Variants in GRIK2 observed in about 807,000 individuals in gnomAD.
GRIK2 encodes glutamate ionotropic receptor kainate type subunit 2, also known as glutamate receptor ionotropic, kainate 2.
Under a neutral mutation model 100.3 loss-of-function variants are expected in GRIK2, and 32 were observed. That is an observed-to-expected ratio of 0.32 (90% CI 0.24 to 0.43). GRIK2 has a LOEUF of 0.43. Ranked by LOEUF, GRIK2 falls within the 20% of genes least tolerant of loss-of-function variation. The pLI, the probability that GRIK2 is intolerant of heterozygous loss-of-function variation, is 1.00. For missense variants in GRIK2, 843 were observed against 1,114.9 expected (o/e 0.76, Z 3.47); for synonymous variants, 417 against 389.4 (o/e 1.07, Z -0.83).
chr6:101,602,201 G>T (rs1207087473), intron 2 of GRIK2, among the ~76,000 whole-genome samples: 1 of 151,558 alleles, frequency 6.6e-6, no homozygotes, highest in Non-Finnish European at 1.5e-5. Context: ...TTGGGAGCAA[G>T]TTGTAGTTAT....
chr6:101,690,279 A>G (rs1772000078), intron 7 of GRIK2, among the ~76,000 whole-genome samples: 1 of 152,120 alleles, frequency 6.6e-6, no homozygotes, highest in Non-Finnish European at 1.5e-5. Flanking sequence ...ATATAAATGT[A>G]TTACACAAAT....
rs554665521 is a variant in GRIK2 at position 101,960,172 on chromosome 6, A to AT, written c.2085+31548dup. On this transcript the variant is annotated intron_variant, in intron 14 of 16. Coordinates refer to ENST00000369134, the MANE Select transcript of GRIK2 (RefSeq NM_021956.5). ...AATGTATCTTGTAATTATTTCAATA[A>AT]TTTTTTTTATTTTCAGAAGTTCTGT... 2.7e-4 allele frequency among the ~76,000 whole-genome samples: 41 copies of AT among 150,092 alleles called. No homozygotes were observed. In the South Asian group the frequency reaches 6.5e-3, roughly 24 times the overall value.
chr6:101,564,517 A>G (rs1345315177), intron 2 of GRIK2, among the ~76,000 whole-genome samples: 4 of 152,184 alleles, frequency 2.6e-5, no homozygotes, highest in African/African-American at 4.8e-5. Flanking sequence ...CTGTGCCTGT[A>G]TGTCTAGCAA....
chr6:102,008,133 T>G (rs1024033589), intron 14 of GRIK2, among the ~76,000 whole-genome samples: 1 of 152,114 alleles, frequency 6.6e-6, no homozygotes, highest in Non-Finnish European at 1.5e-5. Context: ...GATGGGCAGA[T>G]GTCATGAAGT....
intron 11 of GRIK2, among the ~76,000 whole-genome samples, chr6:101,876,486 C>CAA (rs750350517): frequency 4.5e-4 from 8 of 17,876 alleles, no homozygotes; most frequent in Non-Finnish European, 1.6e-3. Context: ...CAAAAACAAA[C>CAA]ACACACACAC....
intron 12 of GRIK2, chr6:101,890,179 A>G (rs988253349): frequency 1.5e-5 from 3 of 194,342 alleles, no homozygotes; most frequent in Non-Finnish European, 3.1e-5. Flanking sequence ...CTGAAGAACC[A>G]AAACTAAAAT....
At chr6:101,442,664 T>C (rs1770141631) in intron 2 of GRIK2, among the ~76,000 whole-genome samples, 1 of 152,170 alleles carries the variant, frequency 6.6e-6, no homozygotes, top group Non-Finnish European at 1.5e-5. Flanking sequence ...GCAAACTTTT[T>C]CTGTGAAGGA....
intron 14 of GRIK2, among the ~76,000 whole-genome samples, chr6:102,020,454 G>T (rs1295907808): frequency 6.6e-6 from 1 of 151,806 alleles, no homozygotes; most frequent in Non-Finnish European, 1.5e-5. Flanking sequence ...GGAAACATCA[G>T]GGTAAGGAGA....
chr6:101,465,141 TA>T (rs1771574877), intron 2 of GRIK2, among the ~76,000 whole-genome samples: 1 of 152,206 alleles, frequency 6.6e-6, no homozygotes, highest in Admixed American at 6.5e-5. Context: ...TTTATACACA[TA>T]ACGGGTACAA....
intron 2 of GRIK2, among the ~76,000 whole-genome samples, chr6:101,456,117 A>T (rs562792290): frequency 2.4e-3 from 340 of 144,358 alleles, no homozygotes; most frequent in African/African-American, 8.1e-3. Flanking sequence ...ATTGGGACAG[A>T]TTTTTTTTTT....
chr6:101,647,208 AAAAAAC>A (rs2128326937), intron 4 of GRIK2, among the ~76,000 whole-genome samples: 1 of 152,084 alleles, frequency 6.6e-6, no homozygotes, highest in African/African-American at 2.4e-5. Context: ...CACAAAATGT[AAAAAAC>A]AAAGAGGTAA....
At chr6:101,432,288 A>C (rs1769452605) in intron 2 of GRIK2, among the ~76,000 whole-genome samples, 1 of 152,154 alleles carries the variant, frequency 6.6e-6, no homozygotes, top group Non-Finnish European at 1.5e-5. Flanking sequence ...TATTTACTGT[A>C]ACCTTATGCT....
intron 2 of GRIK2, among the ~76,000 whole-genome samples, chr6:101,562,207 G>A (rs1777053167): frequency 6.6e-6 from 1 of 151,844 alleles, no homozygotes; most frequent in Non-Finnish European, 1.5e-5. Context: ...ATTTAGATCT[G>A]CTATCATTCC....
At chr6:101,452,127 A>G (rs1339517875) in intron 2 of GRIK2, among the ~76,000 whole-genome samples, 1 of 151,830 alleles carries the variant, frequency 6.6e-6, no homozygotes, top group Non-Finnish European at 1.5e-5. Flanking sequence ...TAGTATTTTC[A>G]ATAACATACA....
At position 101,490,752 on chromosome 6, in the gene GRIK2, A is replaced by G. The variant is rs1773060790; in HGVS notation, c.115+91360A>G. Among the ~76,000 whole-genome samples the G allele has an allele frequency of 4.1e-5, 6 of 146,824 alleles. 1 individual carries two copies. In the South Asian group the frequency reaches 1.3e-3, roughly 32 times the overall value. On this transcript the variant is annotated intron_variant, in intron 2 of 16. Coordinates refer to ENST00000369134, the MANE Select transcript of GRIK2 (RefSeq NM_021956.5). ...TTTAACTCTTGTAACAAAGAAACCA[A>G]TAGCACAACTCCAGCACAGTAGCCT... is the stretch of plus-strand genomic sequence containing the variant.
chr6:101,688,084 A>G, intron 7 of GRIK2, among the ~76,000 whole-genome samples: 1 of 146,366 alleles, frequency 6.8e-6, no homozygotes, highest in East Asian at 2.0e-4. Flanking sequence ...TTTATTATAT[A>G]AAAATATATA....
intron 2 of GRIK2, among the ~76,000 whole-genome samples, chr6:101,456,648 T>C (rs551714473): frequency 2.0e-5 from 3 of 151,090 alleles, no homozygotes; most frequent in Non-Finnish European, 2.9e-5. Flanking sequence ...TTGGTATATG[T>C]GCAGGTATGC....
chr6:101,799,782 A>G lies in GRIK2; in HGVS notation c.1086A>G (p.Leu362=). ...PWRFGTRFMS[L]IKEAHWEGLT... ...GCTTCGGGACCCGCTTTATGAGTCT[A>G]ATTAAAGAGGTAAGTTAGGAGAAGA... Residue 362 remains leucine (L), a synonymous_variant, in exon 8 of 17, where the codon CTA becomes CTG. Coordinates refer to ENST00000369134, the MANE Select transcript of GRIK2 (RefSeq NM_021956.5). 1 of 1,612,620 alleles carries G rather than the reference A, an allele frequency of 6.2e-7. No individual in the cohort carries two copies. Among genetic ancestry groups the G allele is most frequent in the South Asian group, 1.1e-5 (1 of 91,044 alleles).
intron 2 of GRIK2, among the ~76,000 whole-genome samples, chr6:101,501,581 C>A (rs1773746587): frequency 6.6e-6 from 1 of 152,118 alleles, no homozygotes; most frequent in Admixed American, 6.6e-5. Flanking sequence ...ACAAGTGAGG[C>A]AATTACCAGT....
Sources: gnomAD v4.1 joint callset for allele counts (sites outside exome capture counted in the v4.1 genomes callset) on GRCh38, gnomAD v4.1.1 for gene constraint, MANE v1.5 for transcripts, NCBI Gene and HGNC (gene_info 2026-07-23, HGNC 2026-07-21) for gene names.